Variants in HUNK observed in about 807,000 individuals in gnomAD.
HUNK encodes hormonally up-regulated neu tumor-associated kinase.
In HUNK, 21 loss-of-function variants were observed where a neutral mutation model predicts 61.0. The ratio of observed to expected loss-of-function variants is 0.34; its 90% CI spans 0.24 to 0.50. The LOEUF (loss-of-function observed/expected upper bound fraction) is 0.50, where lower values mean the gene tolerates loss of function less well. Ranked by LOEUF, HUNK falls within the 20% of genes least tolerant of loss-of-function variation. The pLI, the probability that HUNK is intolerant of heterozygous loss-of-function variation, is 0.98. For missense variants in HUNK, 772 were observed against 945.7 expected, an observed-to-expected ratio of 0.82 and a Z score of 2.41; for synonymous variants, 371 against 386.1, an observed-to-expected ratio of 0.96 and a Z score of 0.46.
chr21:31,886,506 G>C (rs149656433), intron 1 of HUNK, among the ~76,000 whole-genome samples: 501 of 151,998 alleles, frequency 3.3e-3, no homozygotes, highest in African/African-American at 0.011. Flanking sequence ...ATTCTGGGGG[G>C]ACATAATTAA....
chr21:31,947,330 G>A (rs1027010515), intron 4 of HUNK, among the ~76,000 whole-genome samples: 16 of 140,208 alleles, frequency 1.1e-4, no homozygotes, highest in African/African-American at 3.7e-4. Flanking sequence ...CCGGTCTCAA[G>A]CCAGTGGCGC....
Position 32,000,575 on chromosome 21 carries a change from C to T in HUNK, c.*1391C>T. 2.5e-6 allele frequency: 1 copy of T among 399,164 alleles called. No individual in the cohort carries two copies. The highest frequency in any genetic ancestry group is 4.4e-6 in the Non-Finnish European group (1 of 226,124). 24.7% of individuals were successfully genotyped at this position (399,164 alleles called of 1,614,324 possible). On this transcript the variant is annotated 3_prime_UTR_variant, in exon 11 of 11. Transcript: ENST00000270112. ...AGGGGTTAGTGTAGGAGACCAGTTACAGAATGGCCTGGAGTCTTCAACTTT... is the reference window on the plus strand; with the variant it reads ...AGGGGTTAGTGTAGGAGACCAGTTATAGAATGGCCTGGAGTCTTCAACTTT...
At chr21:31,947,580 G>A (rs1241833360) in intron 4 of HUNK, among the ~76,000 whole-genome samples, 3 of 152,226 alleles carry the variant, frequency 2.0e-5, no homozygotes, top group African/African-American at 4.8e-5. Flanking sequence ...CGAAGGGAGG[G>A]AATTGGTTGG....
rs578126527 is a variant in HUNK at position 31,984,620 on chromosome 21, C to A, written c.1257+1011C>A. ...GCTCCTGTAGCAAACATCCCACATC[C>A]ATGTTTGTTAGGAAACTGTGTCTGT... is the stretch of plus-strand genomic sequence containing the variant. On this transcript the variant is annotated intron_variant, in intron 8 of 10. Transcript: ENST00000270112. 1.1e-4 allele frequency among the ~76,000 whole-genome samples: 17 copies of A among 152,304 alleles called. No individual in the cohort carries two copies. In the South Asian group the frequency reaches 3.3e-3, roughly 30 times the overall value.
In HUNK at chr21:31,998,877, C is replaced by T. The variant is rs748743913; in HGVS notation, c.1838C>T (p.Thr613Ile). The T allele has an allele frequency of 6.2e-7, 1 of 1,614,236 alleles. No homozygotes were observed. Among genetic ancestry groups the T allele is most frequent in the Admixed American group, 1.7e-5 (1 of 60,032 alleles). The change falls in exon 11 of 11, where the codon ACT becomes ATT. Residue 613 changes from threonine to isoleucine, a missense_variant. Coordinates refer to ENST00000270112, the MANE Select transcript of HUNK (RefSeq NM_014586.2). ...LPSGSMSPLH[T>I]PLHPTLVSFA... is the part of the protein sequence containing the mutation. ...TCCGGAAGCATGTCGCCTCTCCATA[C>T]TCCTTTGCATCCAACTCTGGTCTCT...
rs199598299 is a variant in HUNK, at chr21:31,990,241, G to GGA, written c.1305+78_1305+79dup. 141 of 1,365,162 alleles carry GGA rather than the reference G, an allele frequency of 1.0e-4. 1 individual carries two copies. In the Admixed American group the frequency reaches 1.1e-3, roughly 10 times the overall value. 84.6% of individuals were successfully genotyped at this position (1,365,162 alleles called of 1,614,324 possible). ...CAGAGAAACAGAACCAATAGAGTATGGAGAGAGAGAGAGATTGAGACTGAG... is the reference window on the plus strand; with the variant it reads ...CAGAGAAACAGAACCAATAGAGTATGGAGAGAGAGAGAGAGATTGAGACTGAG... On this transcript the variant is annotated intron_variant, in intron 9 of 10. Coordinates refer to ENST00000270112, the MANE Select transcript of HUNK (RefSeq NM_014586.2).
chr21:31,878,800 T>A (rs2052285118), intron 1 of HUNK, among the ~76,000 whole-genome samples: 1 of 152,196 alleles, frequency 6.6e-6, no homozygotes, highest in Admixed American at 6.5e-5. Context: ...TCTCAGGTAT[T>A]GAGCCAGTGT....
At chr21:31,878,599 G>T (rs1034976369) in intron 1 of HUNK, among the ~76,000 whole-genome samples, 2 of 152,160 alleles carry the variant, frequency 1.3e-5, no homozygotes, top group Non-Finnish European at 2.9e-5. Context: ...GCTGGGTGTG[G>T]TGGTGCACAC....
In HUNK at chr21:31,932,601, G is replaced by A. The variant is rs1444518731; in HGVS notation, c.555-7564G>A. On this transcript the variant is annotated intron_variant, in intron 2 of 10. Coordinates refer to ENST00000270112, the MANE Select transcript of HUNK (RefSeq NM_014586.2). Reference sequence around the variant, plus strand: ...GGTGTGGAGGAGTCTTCTCCCCTTAGGTCCTTTCCGGATCTCTGTAAAAAC... The same window carrying A: ...GGTGTGGAGGAGTCTTCTCCCCTTAAGTCCTTTCCGGATCTCTGTAAAAAC... 3.3e-5 allele frequency among the ~76,000 whole-genome samples: 5 copies of A among 151,766 alleles called. 1 individual carries two copies. In the South Asian group the frequency reaches 6.2e-4, roughly 19 times the overall value.
intron 4 of HUNK, among the ~76,000 whole-genome samples, chr21:31,950,372 C>T (rs1167449014): frequency 1.3e-5 from 2 of 152,162 alleles, no homozygotes; most frequent in African/African-American, 4.8e-5. Context: ...AACCCTAGCA[C>T]ATATGGCTGC....
In HUNK at chr21:31,933,576, G is replaced by C. The variant is rs151035876; in HGVS notation, c.555-6589G>C. ...GAGGTAGGTGGATCACCTGAGGTTG[G>C]GAGTTCGACACCAGCCTGACCAACA... On this transcript the variant is annotated intron_variant, in intron 2 of 10. Coordinates refer to ENST00000270112, the MANE Select transcript of HUNK (RefSeq NM_014586.2). Among the ~76,000 whole-genome samples, 42 of 152,106 alleles carry C rather than the reference G, an allele frequency of 2.8e-4. No individual in the cohort carries two copies. In the East Asian group the frequency reaches 8.2e-3, roughly 30 times the overall value.
chr21:31,971,160 C>G (rs1027647836), intron 6 of HUNK, among the ~76,000 whole-genome samples: 1 of 152,026 alleles, frequency 6.6e-6, no homozygotes, highest in African/African-American at 2.4e-5. Context: ...CTCACTGCAA[C>G]CTCCGCCTCC....
At chr21:31,968,916 T>C (rs967106938) in intron 6 of HUNK, among the ~76,000 whole-genome samples, 1 of 151,836 alleles carries the variant, frequency 6.6e-6, no homozygotes, top group Admixed American at 6.6e-5. Context: ...TCTGGCTCTG[T>C]CACCCAGGCT....
intron 4 of HUNK, among the ~76,000 whole-genome samples, chr21:31,958,485 G>C (rs2052904932): frequency 6.6e-6 from 1 of 152,022 alleles, no homozygotes; most frequent in Non-Finnish European, 1.5e-5. Flanking sequence ...TTTTAGTAGA[G>C]ATGGGTGCCA....
chr21:31,880,580 TC>T (rs2052299175), intron 1 of HUNK, among the ~76,000 whole-genome samples: 1 of 152,180 alleles, frequency 6.6e-6, no homozygotes. Context: ...CTTAATCTTT[TC>T]CTATGTCTCT....
chr21:31,930,178 C>T (rs2052687074), intron 2 of HUNK, among the ~76,000 whole-genome samples: 3 of 152,196 alleles, frequency 2.0e-5, no homozygotes, highest in Admixed American at 6.5e-5. Flanking sequence ...TTTGACCACT[C>T]GAAAGTGGCG....
At chr21:31,959,090 T>A in intron 5 of HUNK, 120 bp downstream of exon 5, 1 of 1,080,880 alleles carries the variant, frequency 9.3e-7, no homozygotes, top group Non-Finnish European at 1.3e-6. Context: ...TGGTTATAAG[T>A]TTCTTTCTAG....
chr21:31,938,233 T>G (rs549364952), intron 2 of HUNK, among the ~76,000 whole-genome samples: 2 of 152,358 alleles, frequency 1.3e-5, no homozygotes, highest in South Asian at 2.1e-4. Context: ...TGAATGCCAG[T>G]GTTCCCCACC....
intron 4 of HUNK, among the ~76,000 whole-genome samples, chr21:31,954,686 GC>G (rs1036872945): frequency 2.0e-4 from 31 of 152,274 alleles, no homozygotes; most frequent in Non-Finnish European, 3.2e-4. Context: ...TTTTGAGTAC[GC>G]ATCAGAAGCA....
Sources: gnomAD v4.1 joint callset for allele counts (sites outside exome capture counted in the v4.1 genomes callset) on GRCh38, gnomAD v4.1.1 for gene constraint, MANE v1.5 for transcripts, NCBI Gene and HGNC (gene_info 2026-07-23, HGNC 2026-07-21) for gene names.